Variants in LARGE1 observed in about 807,000 individuals in gnomAD.
LARGE1 encodes xylosyl- and glucuronyltransferase LARGE1.
In LARGE1, 43 loss-of-function variants were observed where a neutral mutation model predicts 87.6. The observed-to-expected ratio is 0.49, with a 90% CI of 0.38 to 0.63. The LOEUF (loss-of-function observed/expected upper bound fraction) is 0.63, where lower values mean the gene tolerates loss of function less well. LARGE1 is among the 30% of genes least tolerant of loss of function. The pLI, the probability that LARGE1 is intolerant of heterozygous loss-of-function variation, is 0.00. For synonymous variants in LARGE1, 434 were observed against 394.6 expected (o/e 1.10, Z -1.18); for missense variants, 802 against 1,000.2 (o/e 0.80, Z 2.67).
the LARGE1 span, among the ~76,000 whole-genome samples, chr22:33,098,965 C>A: frequency 6.6e-6 from 1 of 152,186 alleles, no homozygotes; most frequent in Non-Finnish European, 1.5e-5. Context: ...TTTGTCTGAT[C>A]ATTTCTCTAC....
At chr22:33,354,053 G>GT (rs1405591667) in intron 9 of LARGE1, among the ~76,000 whole-genome samples, 1 of 152,252 alleles carries the variant, frequency 6.6e-6, no homozygotes, top group Non-Finnish European at 1.5e-5. Flanking sequence ...CAAAGGACAT[G>GT]TAAGAGATGG....
intron 1 of LARGE1, among the ~76,000 whole-genome samples, chr22:33,775,903 G>A (rs5754664): frequency 0.14 from 20,750 of 150,858 alleles, 1,620 homozygotes; most frequent in Middle Eastern, 0.25. Context: ...AGCATCGGGT[G>A]GGTCAAGGTC....
At chr22:33,232,108 AT>A (rs372319903) in intron 11 of LARGE1, among the ~76,000 whole-genome samples, 5 of 152,264 alleles carry the variant, frequency 3.3e-5, no homozygotes, top group African/African-American at 9.6e-5. Flanking sequence ...AAGACCATGC[AT>A]TTTCACTTTA....
chr22:33,137,140 T>C, the LARGE1 span: 1 of 152,216 alleles, frequency 6.6e-6, no homozygotes, highest in Admixed American at 6.5e-5. Context: ...TGTCCTGATA[T>C]AGAAAGGTCA....
chr22:33,808,871 G>C (rs2086399718), intron 1 of LARGE1, among the ~76,000 whole-genome samples: 1 of 152,146 alleles, frequency 6.6e-6, no homozygotes, highest in Admixed American at 6.5e-5. Flanking sequence ...TCTTAACACT[G>C]TCTGGTGGGT....
At chr22:33,584,064 G>A (rs1335941338) in intron 5 of LARGE1, among the ~76,000 whole-genome samples, 2 of 152,148 alleles carry the variant, frequency 1.3e-5, no homozygotes, top group Non-Finnish European at 1.5e-5. Context: ...CCCTTCATAA[G>A]TGAAAAAGAG....
chr22:33,845,713 C>T (rs1568980801), intron 1 of LARGE1, among the ~76,000 whole-genome samples: 1 of 152,068 alleles, frequency 6.6e-6, no homozygotes, highest in South Asian at 2.1e-4. Context: ...AACATTAAAA[C>T]AAGAGAGTCC....
rs533880348 is a variant in LARGE1, at chr22:33,891,852, T to C, written c.-83+28143A>G. On this transcript the variant is annotated intron_variant, in intron 1 of 14. Coordinates refer to ENST00000397394, the MANE Select transcript of LARGE1 (RefSeq NM_133642.5). Reference sequence around the variant, plus strand: ...TTAACGGAAAATTGGCATCGATGCATTGGCTGTGATGAAATCAACTTTGAA... The same window carrying C: ...TTAACGGAAAATTGGCATCGATGCACTGGCTGTGATGAAATCAACTTTGAA... Among the ~76,000 whole-genome samples, 13 of 152,354 alleles carry C rather than the reference T, an allele frequency of 8.5e-5. No individual in the cohort carries two copies. The East Asian group carries it at 1.9e-3, about 23-fold the overall frequency.
intron 2 of LARGE1, among the ~76,000 whole-genome samples, chr22:33,668,473 CTTA>C (rs1414391958): frequency 1.3e-5 from 2 of 152,224 alleles, no homozygotes; most frequent in African/African-American, 4.8e-5. Flanking sequence ...GGCTTGACAA[CTTA>C]TTATTTACCT....
intron 2 of LARGE1, among the ~76,000 whole-genome samples, chr22:33,719,687 A>AT (rs1448354618): frequency 6.6e-6 from 1 of 151,758 alleles, no homozygotes; most frequent in Admixed American, 6.6e-5. Context: ...CGCCTGGCTA[A>AT]TTTTTTATAT....
Position 33,564,828 on chromosome 22 carries a change from A to C in LARGE1, c.787+20T>G. On this transcript the variant is annotated intron_variant, in intron 6 of 14. Transcript: ENST00000397394. ...ATACCTACAAGGATATCGGGGAAAA[A>C]ACGAATGGGCTACCATTACCTTTGA... 2 of 1,613,940 alleles carry C rather than the reference A, an allele frequency of 1.2e-6. No homozygotes were observed. The highest frequency in any genetic ancestry group is 1.7e-6 in the Non-Finnish European group (2 of 1,179,956).
chr22:33,165,653 T>A (rs1344425321), exon 12 of LARGE1: 1 of 152,322 alleles, frequency 6.6e-6, no homozygotes, highest in African/African-American at 2.4e-5. Context: ...GCTGATTGTA[T>A]CACACAGCCC....
chr22:33,862,446 G>T (rs996727549), intron 1 of LARGE1, among the ~76,000 whole-genome samples: 1 of 152,142 alleles, frequency 6.6e-6, no homozygotes, highest in Admixed American at 6.5e-5. Context: ...CAGTCGCTGA[G>T]CAAAGAGGCT....
At chr22:33,651,934 G>C (rs1243585868) in intron 2 of LARGE1, among the ~76,000 whole-genome samples, 3 of 152,152 alleles carry the variant, frequency 2.0e-5, no homozygotes, top group African/African-American at 7.2e-5. Context: ...AGCATTTTGG[G>C]AGGCCAAGGC....
intron 3 of LARGE1, among the ~76,000 whole-genome samples, chr22:33,635,128 A>G (rs1423443669): frequency 1.3e-5 from 2 of 151,898 alleles, no homozygotes; most frequent in Admixed American, 1.3e-4. Context: ...CAAAAAAAAA[A>G]AAAGAAAAAG....
At chr22:33,214,290 G>A (rs1450227258) in intron 11 of LARGE1, among the ~76,000 whole-genome samples, 1 of 151,940 alleles carries the variant, frequency 6.6e-6, no homozygotes, top group East Asian at 1.9e-4. Context: ...GGTTCTCTTT[G>A]TGTATCTGTG....
chr22:33,857,943 T>G (rs181095340), intron 1 of LARGE1, among the ~76,000 whole-genome samples: 1 of 152,146 alleles, frequency 6.6e-6, no homozygotes, highest in East Asian at 1.9e-4. Flanking sequence ...CCCAAGATCG[T>G]GGCGGGCCGC....
chr22:33,260,194 C>T (rs1347878213), intron 11 of LARGE1, among the ~76,000 whole-genome samples: 2 of 152,234 alleles, frequency 1.3e-5, no homozygotes, highest in South Asian at 2.1e-4. Context: ...TTCCCACCCC[C>T]CTGCCTCCTG....
chr22:33,681,761 T>G (rs2081779322), intron 2 of LARGE1, among the ~76,000 whole-genome samples: 1 of 152,234 alleles, frequency 6.6e-6, no homozygotes, highest in African/African-American at 2.4e-5. Flanking sequence ...TAAAAGTGTT[T>G]GCTAATTTGC....
Sources: allele counts gnomAD v4.1 joint callset (sites outside exome capture counted in the v4.1 genomes callset), GRCh38; gene constraint gnomAD v4.1.1; transcripts MANE v1.5; gene names NCBI Gene and HGNC (gene_info 2026-07-23, HGNC 2026-07-21).